Variants in HEG1 observed in about 807,000 individuals in gnomAD.
HEG1 encodes protein HEG homolog 1.
A neutral mutation model predicts 125.6 loss-of-function variants in HEG1; 56 were observed. The ratio of observed to expected loss-of-function variants is 0.45; its 90% CI spans 0.36 to 0.56. The LOEUF is 0.56. HEG1 is among the 20% of genes least tolerant of loss of function. The pLI is 0.00. For missense variants in HEG1, 1,523 were observed against 1,670.0 expected (o/e 0.91, Z 1.53); for synonymous variants, 644 against 668.5 (o/e 0.96, Z 0.57).
At chr3:124,990,900 A>G in intron 13 of HEG1, 44 bp downstream of exon 13, 1 of 1,553,608 alleles carries the variant, frequency 6.4e-7, no homozygotes, top group Non-Finnish European at 8.7e-7. Context: ...ATTTATCTAA[A>G]TAAGATTTGT....
At chr3:125,024,335 C>T (rs1233062242) in intron 3 of HEG1, among the ~76,000 whole-genome samples, 6 of 152,180 alleles carry the variant, frequency 3.9e-5, no homozygotes, top group South Asian at 2.1e-4. Flanking sequence ...ATGCCCCACC[C>T]GGTTTCCCTT....
At position 125,041,778 on chromosome 3, in the gene HEG1, G is replaced by A. The variant is rs1937595448; in HGVS notation, c.317-12290C>T. On this transcript the variant is annotated intron_variant, in intron 1 of 16. Transcript: ENST00000311127. ...ATATTATTCAGCCTTCAAAATGAGG[G>A]AAATTCTAACACATGCTACAACATG... 5.3e-5 allele frequency among the ~76,000 whole-genome samples: 8 copies of A among 152,306 alleles called. 1 individual carries two copies. Among genetic ancestry groups the A allele is most frequent in the African/African-American group, 1.4e-4 (6 of 41,570 alleles).
chr3:125,033,594 T>A (rs974548433), intron 1 of HEG1, among the ~76,000 whole-genome samples: 1 of 152,220 alleles, frequency 6.6e-6, no homozygotes, highest in Non-Finnish European at 1.5e-5. Flanking sequence ...CTCTGTGGTC[T>A]AAACTGAGGA....
chr3:124,991,012 A>AGTGT lies in HEG1; in HGVS notation c.3653-30_3653-27dup, dbSNP rs1936824436. On this transcript the variant is annotated intron_variant, in intron 12 of 16. Coordinates refer to ENST00000311127, the MANE Select transcript of HEG1 (RefSeq NM_020733.2). ...CTGAAAGACAAAAGGAAAATGCATG[A>AGTGT]GTGTGTCTATTTACCTCTCCCAAAC... The AGTGT allele has an allele frequency of 1.9e-6, 3 of 1,543,356 alleles. No homozygotes were observed. The South Asian group carries it at 3.6e-5, about 18-fold the overall frequency.
chr3:125,051,146 T>C (rs1305549331), intron 1 of HEG1, among the ~76,000 whole-genome samples: 3 of 152,244 alleles, frequency 2.0e-5, no homozygotes, highest in Admixed American at 2.0e-4. Flanking sequence ...GAGTAGGGCA[T>C]AATTTACAAT....
intron 8 of HEG1, among the ~76,000 whole-genome samples, chr3:125,007,566 G>A (rs1937090906): frequency 6.6e-6 from 1 of 152,200 alleles, no homozygotes; most frequent in Non-Finnish European, 1.5e-5. Context: ...GAAGACTAAA[G>A]TTAAATGGTA....
At chr3:125,026,983 A>G (rs1203164588) in intron 3 of HEG1, among the ~76,000 whole-genome samples, 1 of 152,154 alleles carries the variant, frequency 6.6e-6, no homozygotes, top group African/African-American at 2.4e-5. Flanking sequence ...CTGGGCGACA[A>G]AAAAAGAAAA....
intron 12 of HEG1, among the ~76,000 whole-genome samples, chr3:124,992,586 G>T (rs1936852274): frequency 6.6e-6 from 1 of 152,238 alleles, no homozygotes; most frequent in South Asian, 2.1e-4. Context: ...ATGCATGGCT[G>T]GGGGTGAGGA....
At chr3:125,016,732 T>C (rs1357968346) in intron 5 of HEG1, among the ~76,000 whole-genome samples, 1 of 152,204 alleles carries the variant, frequency 6.6e-6, no homozygotes, top group East Asian at 1.9e-4. Context: ...ATGGGGGAAA[T>C]GAAGCTATAA....
At position 124,969,012 on chromosome 3, in the gene HEG1, T is replaced by A. The variant is rs1936375033; in HGVS notation, c.*1640A>T. 6.6e-6 allele frequency: 1 copy of A among 152,232 alleles called. No homozygotes were observed. 9.4% of individuals were successfully genotyped at this position (152,232 alleles called of 1,614,324 possible). The stretch of plus-strand genomic sequence containing the variant: ...GGAGACCATGGGACACAGGAGTTCT[T>A]GCTTAAAACCATCAGGGCCAAGGAT... On this transcript the variant is annotated 3_prime_UTR_variant, in exon 17 of 17. Coordinates refer to ENST00000311127, the MANE Select transcript of HEG1 (RefSeq NM_020733.2).
At position 125,005,320 on chromosome 3, in the gene HEG1, G is replaced by T; in HGVS notation, c.3242C>A (p.Thr1081Lys). The T allele has an allele frequency of 6.3e-7, 1 of 1,597,502 alleles. No individual in the cohort carries two copies. Among genetic ancestry groups the T allele is most frequent in the Non-Finnish European group, 8.5e-7 (1 of 1,173,178 alleles). ...EFKLKRTFLN[T>K]TVEKHSDLQE... ...TAGGTCTGAATGTTTTTCCACAGTT[G>T]TATTAAGAAAAGTTCTCTTTAATTT... The change falls in exon 9 of 17, where the codon ACA becomes AAA. Residue 1081 changes from threonine to lysine, a missense_variant. Coordinates refer to ENST00000311127, the MANE Select transcript of HEG1 (RefSeq NM_020733.2).
chr3:125,014,278 G>A (rs1200492693), intron 5 of HEG1, among the ~76,000 whole-genome samples: 2 of 152,168 alleles, frequency 1.3e-5, no homozygotes, highest in African/African-American at 4.8e-5. Flanking sequence ...TAAAAATGGA[G>A]AGGAGTTGCA....
chr3:124,999,806 A>T (rs528685641), intron 11 of HEG1, among the ~76,000 whole-genome samples: 1 of 152,384 alleles, frequency 6.6e-6, no homozygotes, highest in African/African-American at 2.4e-5. Context: ...AACATCCGCC[A>T]AAACAGACAA....
At chr3:125,048,420 C>T (rs1937716756) in intron 1 of HEG1, among the ~76,000 whole-genome samples, 1 of 152,218 alleles carries the variant, frequency 6.6e-6, no homozygotes, top group Admixed American at 6.5e-5. Flanking sequence ...TCTTGCCAAT[C>T]CTGAGACAAG....
chr3:125,021,694 G>A (rs535210759), intron 3 of HEG1, among the ~76,000 whole-genome samples: 1 of 152,060 alleles, frequency 6.6e-6, no homozygotes, highest in Non-Finnish European at 1.5e-5. Context: ...CACCATCAAG[G>A]GTTCTTTATT....
At chr3:124,998,140 G>A (rs1446025248) in intron 11 of HEG1, among the ~76,000 whole-genome samples, 1 of 152,132 alleles carries the variant, frequency 6.6e-6, no homozygotes, top group Non-Finnish European at 1.5e-5. Context: ...GGTGCTCACT[G>A]CAAATACAGC....
chr3:125,030,947 C>G (rs536091844), intron 1 of HEG1, among the ~76,000 whole-genome samples: 1 of 152,094 alleles, frequency 6.6e-6, no homozygotes, highest in Non-Finnish European at 1.5e-5. Context: ...TGGACTGTTA[C>G]TTGAACCCCG....
chr3:124,979,933 A>C (rs955757870), intron 14 of HEG1, among the ~76,000 whole-genome samples: 6 of 152,224 alleles, frequency 3.9e-5, no homozygotes, highest in African/African-American at 1.4e-4. Flanking sequence ...TATTTAAATA[A>C]ATAGCACAGA....
At chr3:125,042,392 C>G (rs1242313967) in intron 1 of HEG1, among the ~76,000 whole-genome samples, 2 of 152,150 alleles carry the variant, frequency 1.3e-5, no homozygotes, top group Non-Finnish European at 2.9e-5. Flanking sequence ...CATGCCACTG[C>G]ACTCCAGCCT....
Sources: gnomAD v4.1 joint callset for allele counts (sites outside exome capture counted in the v4.1 genomes callset) on GRCh38, gnomAD v4.1.1 for gene constraint, MANE v1.5 for transcripts, NCBI Gene and HGNC (gene_info 2026-07-23, HGNC 2026-07-21) for gene names.